Variants in TARDBP observed in about 807,000 individuals in gnomAD.
TARDBP encodes the protein TAR DNA binding protein.
Under a neutral mutation model 38.3 loss-of-function variants are expected in TARDBP, and 4 were observed. That is an observed-to-expected ratio of 0.10 (90% confidence interval 0.05 to 0.24). The LOEUF is 0.24. TARDBP is among the 10% of genes least tolerant of loss of function. TARDBP has a pLI of 1.00. For missense variants in TARDBP, 202 were observed against 521.9 expected, an observed-to-expected ratio of 0.39 and a Z score of 5.97; for synonymous variants, 184 against 183.8, an observed-to-expected ratio of 1.00 and a Z score of -0.01.
downstream of TARDBP, chr1:11,030,111 C>G: frequency 8.4e-7 from 1 of 1,187,658 alleles, no homozygotes; most frequent in Non-Finnish European, 1.2e-6. Context: ...AAGCTCTCCT[C>G]ACTGTCTCCT....
chr1:11,014,464 A>G (rs146455723), intron 2 of TARDBP, among the ~76,000 whole-genome samples: 1 of 152,318 alleles, frequency 6.6e-6, no homozygotes, highest in East Asian at 1.9e-4. Flanking sequence ...ATGATGTTCT[A>G]AATCTAAGAA....
downstream of TARDBP, chr1:11,026,603 G>T (rs375230404): frequency 1.5e-5 from 4 of 265,512 alleles, no homozygotes; most frequent in African/African-American, 6.6e-5. Context: ...AAAGAGACTG[G>T]CTTTTTAAGG....
downstream of TARDBP, chr1:11,027,014 T>C: frequency 6.3e-7 from 1 of 1,598,960 alleles, no homozygotes; most frequent in Non-Finnish European, 8.5e-7. Flanking sequence ...ACCACCTCTC[T>C]GTTTCACTAT....
intron 5 of TARDBP, among the ~76,000 whole-genome samples, chr1:11,021,263 T>A (rs1184532546): frequency 1.3e-5 from 2 of 151,944 alleles, no homozygotes; most frequent in Non-Finnish European, 2.9e-5. Context: ...CTCAGCCTCC[T>A]GAGTAGCTGG....
chr1:11,019,609 C>G (rs571284415), intron 4 of TARDBP, among the ~76,000 whole-genome samples: 2 of 152,054 alleles, frequency 1.3e-5, no homozygotes, highest in African/African-American at 4.8e-5. Context: ...CTCTGTCATC[C>G]GGGCTGGAGT....
chr1:11,026,691 TG>T, downstream of TARDBP: 1 of 424,678 alleles, frequency 2.4e-6, no homozygotes, highest in Non-Finnish European at 4.1e-6. Flanking sequence ...TATGTCCCCT[TG>T]AGTCAATGGG....
chr1:11,015,320 T>C (rs1643499133), intron 2 of TARDBP, among the ~76,000 whole-genome samples: 1 of 151,264 alleles, frequency 6.6e-6, no homozygotes, highest in African/African-American at 2.4e-5. Flanking sequence ...ACCCTGTCTC[T>C]ACTAAAAATT....
At chr1:11,030,344 G>T, downstream of TARDBP, 1 of 842,782 alleles carries the variant, frequency 1.2e-6, no homozygotes, top group Non-Finnish European at 2.0e-6. Context: ...TGATTCTTGA[G>T]CATCAGTGGG....
Position 11,018,786 on chromosome 1 carries a change from T to C in TARDBP, c.456T>C (p.Phe152=), listed in dbSNP as rs1643579217. The C allele has an allele frequency of 6.2e-7, 1 of 1,614,084 alleles. No individual in the cohort carries two copies. Among genetic ancestry groups the C allele is most frequent in the Non-Finnish European group, 8.5e-7 (1 of 1,180,048 alleles). ...CAAAGGGGTTTGGCTTTGTTCGTTTTACGGAATATGAAACACAAGTGAAAG... is the reference window on the plus strand; with the variant it reads ...CAAAGGGGTTTGGCTTTGTTCGTTTCACGGAATATGAAACACAAGTGAAAG... ...GHSKGFGFVR[F]TEYETQVKVM... is the part of the protein sequence containing the mutation. Residue 152 remains phenylalanine (F), a synonymous_variant, in exon 4 of 6, where the codon TTT becomes TTC. Transcript: ENST00000240185.
Position 11,023,392 on chromosome 1 carries a change from C to G in TARDBP, c.*738C>G, listed in dbSNP as rs1245670589. ...TGGAGTCGTATCAACGCTATGAACG[C>G]AAGGCTGTGATATGGAACCAGAAGG... is the stretch of plus-strand genomic sequence containing the variant. On this transcript the variant is annotated 3_prime_UTR_variant, in exon 6 of 6. Coordinates refer to ENST00000240185, the MANE Select transcript of TARDBP (RefSeq NM_007375.4). 1 of 906,428 alleles carries G rather than the reference C, an allele frequency of 1.1e-6. No individual in the cohort carries two copies. The highest frequency in any genetic ancestry group is 1.7e-6 in the Non-Finnish European group (1 of 590,784). The allele number at this position is 906,428 out of a possible 1,614,324, so 56.1% of individuals were successfully genotyped here. A position where few individuals can be genotyped will look rare whatever the true frequency, so the allele number is the denominator to read the frequency against.
Position 11,023,053 on chromosome 1 carries a change from A to T in TARDBP, c.*399A>T, listed in dbSNP as rs1032274504. Reference sequence around the variant, plus strand: ...CCCTTGTTTTAATTTGAACCCCACCATATGGATTTTTTTCCTTAAGAAAAT... The same window carrying T: ...CCCTTGTTTTAATTTGAACCCCACCTTATGGATTTTTTTCCTTAAGAAAAT... On this transcript the variant is annotated 3_prime_UTR_variant, in exon 6 of 6. Transcript: ENST00000240185. 1 of 1,449,678 alleles carries T rather than the reference A, an allele frequency of 6.9e-7. No individual in the cohort carries two copies. The allele number at this position is 1,449,678 out of a possible 1,614,324, so 89.8% of individuals were successfully genotyped here.
chr1:11,020,359 C>CT, intron 4 of TARDBP, 70 bp from the exon 5 acceptor site: 1 of 1,585,610 alleles, frequency 6.3e-7, no homozygotes, highest in South Asian at 1.1e-5. Flanking sequence ...TGTTATATCC[C>CT]TTACCTTAAT....
intron 3 of TARDBP, among the ~76,000 whole-genome samples, chr1:11,017,750 A>G (rs1004877594): frequency 3.9e-5 from 6 of 152,228 alleles, no homozygotes; most frequent in Non-Finnish European, 7.3e-5. Context: ...AATTCATTCT[A>G]AGACATTCTG....
Position 11,023,770 on chromosome 1 carries a change from G to T in TARDBP, c.*1116G>T, listed in dbSNP as rs1250727747. The T allele has an allele frequency of 6.4e-6, 1 of 156,094 alleles. No individual in the cohort carries two copies. The highest frequency in any genetic ancestry group is 6.3e-5 in the Admixed American group (1 of 15,782). The allele number at this position is 156,094 out of a possible 1,614,324, so 9.7% of individuals were successfully genotyped here. ...TGTCAACTGCTGTGAATGCTGTATG[G>T]TGTGTGTTCTCTTCTGTTACTGATA... On this transcript the variant is annotated 3_prime_UTR_variant, in exon 6 of 6. Transcript: ENST00000240185.
chr1:11,030,033 A>G, downstream of TARDBP: 1 of 607,280 alleles, frequency 1.6e-6, no homozygotes, highest in Non-Finnish European at 2.9e-6. Context: ...TAATGAGAAC[A>G]TACTATTTGG....
intron 2 of TARDBP, among the ~76,000 whole-genome samples, chr1:11,014,896 A>G (rs1379891342): frequency 1.3e-5 from 2 of 151,940 alleles, no homozygotes; most frequent in African/African-American, 4.8e-5. Flanking sequence ...AGATTGTGCC[A>G]TTGCACTCCA....
chr1:11,013,626 CAG>C, intron 1 of TARDBP, 88 bp from the exon 2 acceptor site: 1 of 1,130,556 alleles, frequency 8.8e-7, no homozygotes, highest in South Asian at 1.3e-5. Flanking sequence ...TTCTGGAAGT[CAG>C]AACTCTGACA....
At chr1:11,026,748 A>G, downstream of TARDBP, 2 of 624,674 alleles carry the variant, frequency 3.2e-6, no homozygotes, top group Non-Finnish European at 5.0e-6. Flanking sequence ...CAGCAGCCTC[A>G]CCTGGAGTCT....
At chr1:11,020,750 CAA>C (rs57781131) in intron 5 of TARDBP, 151 bp downstream of exon 5, 6,132 of 488,692 alleles carry the variant, frequency 0.013, no homozygotes, top group East Asian at 0.029. Context: ...TATTAAAATA[CAA>C]AAAAAAAAAA....
Sources: allele counts gnomAD v4.1 joint callset (sites outside exome capture counted in the v4.1 genomes callset), GRCh38; gene constraint gnomAD v4.1.1; transcripts MANE v1.5; gene names NCBI Gene and HGNC (gene_info 2026-07-23, HGNC 2026-07-21).